KALRN: variants seen among roughly 807,000 people sequenced by gnomAD.
KALRN encodes kalirin RhoGEF kinase.
In KALRN, 70 loss-of-function variants were observed where a neutral mutation model predicts 353.7. The observed-to-expected ratio is 0.20, with a 90% CI of 0.16 to 0.24. The LOEUF (loss-of-function observed/expected upper bound fraction) is 0.24. Among genes scored for constraint, KALRN ranks in the 10% least tolerant of loss-of-function variants. The pLI is 1.00. For missense variants in KALRN, 2,791 were observed against 3,756.7 expected, an observed-to-expected ratio of 0.74 and a Z score of 6.72; for synonymous variants, 1,391 against 1,434.8, an observed-to-expected ratio of 0.97 and a Z score of 0.69.
chr3:124,152,456 T>C, intron 1 of KALRN: 2 of 1,297,050 alleles, frequency 1.5e-6, no homozygotes, highest in South Asian at 2.4e-5. Flanking sequence ...ACATAGAAGT[T>C]GCCAGCTTTT....
chr3:124,121,381 G>T (rs898532375), intron 1 of KALRN, among the ~76,000 whole-genome samples: 11 of 152,200 alleles, frequency 7.2e-5, no homozygotes, highest in Admixed American at 3.3e-4. Flanking sequence ...AGTAATCAGA[G>T]AAAAGCTACC....
chr3:124,577,895 C>A (rs2713641), intron 34 of KALRN, among the ~76,000 whole-genome samples: 25,343 of 71,380 alleles, frequency 0.36, 2,260 homozygotes, highest in African/African-American at 0.46. Flanking sequence ...ACAAACAAAA[C>A]CCCCCACCAT....
intron 33 of KALRN, among the ~76,000 whole-genome samples, chr3:124,535,542 C>T (rs2068435957): frequency 6.6e-6 from 1 of 152,190 alleles, no homozygotes; most frequent in Non-Finnish European, 1.5e-5. Flanking sequence ...TCATAATTAG[C>T]TCTCTGGTAT....
chr3:124,097,882 T>C (rs1009845983), intron 1 of KALRN, among the ~76,000 whole-genome samples: 4 of 152,242 alleles, frequency 2.6e-5, no homozygotes, highest in African/African-American at 9.6e-5. Context: ...TGTTTGTTAC[T>C]GGGCGTTTGC....
intron 1 of KALRN, among the ~76,000 whole-genome samples, chr3:124,188,718 C>G (rs899887286): frequency 4.6e-5 from 7 of 152,162 alleles, no homozygotes; most frequent in African/African-American, 1.4e-4. Context: ...ACCCTACCTG[C>G]TAGCTAACAA....
intron 53 of KALRN, among the ~76,000 whole-genome samples, chr3:124,694,986 T>C (rs2061985331): frequency 6.6e-6 from 1 of 152,232 alleles, no homozygotes; most frequent in African/African-American, 2.4e-5. Context: ...TTTAGACTTC[T>C]GATTTAAGTG....
At chr3:124,137,174 T>A (rs1038647721) in intron 1 of KALRN, among the ~76,000 whole-genome samples, 1 of 152,194 alleles carries the variant, frequency 6.6e-6, no homozygotes, top group Non-Finnish European at 1.5e-5. Flanking sequence ...TGCTGAACAA[T>A]GCATTTAAAA....
intron 1 of KALRN, among the ~76,000 whole-genome samples, chr3:124,067,403 C>T (rs779271023): frequency 2.7e-5 from 4 of 150,826 alleles, no homozygotes; most frequent in African/African-American, 4.9e-5. Context: ...GTACCCAAAC[C>T]AGAGGTCATG....
Position 124,698,729 on chromosome 3 carries a change from C to T in KALRN, c.7831+1005C>T, listed in dbSNP as rs1267725634. Among the ~76,000 whole-genome samples the T allele has an allele frequency of 3.3e-5, 5 of 152,238 alleles. No individual in the cohort carries two copies. The South Asian group carries it at 8.3e-4, about 25-fold the overall frequency. ...GTGTAGTACGGGTGGAGTTCTACAC[C>T]CCCTATCCCCAGATAAAATTAAGAG... On this transcript the variant is annotated intron_variant, in intron 55 of 59. Transcript: ENST00000682506.
chr3:124,085,931 A>G (rs2060794361), intron 1 of KALRN, among the ~76,000 whole-genome samples: 1 of 152,230 alleles, frequency 6.6e-6, no homozygotes, highest in Admixed American at 6.5e-5. Flanking sequence ...TATTTTCACA[A>G]AAAGTGGGAT....
At chr3:124,135,998 T>G (rs1427091966) in intron 1 of KALRN, among the ~76,000 whole-genome samples, 1 of 152,206 alleles carries the variant, frequency 6.6e-6, no homozygotes, top group African/African-American at 2.4e-5. Flanking sequence ...CCTCATCTCC[T>G]TACTGCAGGA....
chr3:124,190,167 A>T (rs982503828), intron 1 of KALRN, among the ~76,000 whole-genome samples: 3 of 152,148 alleles, frequency 2.0e-5, no homozygotes, highest in Non-Finnish European at 4.4e-5. Context: ...TAGGATGAAG[A>T]AGAGAAGGGA....
At chr3:124,589,902 G>T (rs1053241582) in intron 34 of KALRN, among the ~76,000 whole-genome samples, 12 of 152,190 alleles carry the variant, frequency 7.9e-5, no homozygotes, top group African/African-American at 2.9e-4. Flanking sequence ...TCAGAGTTTG[G>T]TGAATCTGAG....
At chr3:124,504,412 G>A (rs553800243) in intron 33 of KALRN, among the ~76,000 whole-genome samples, 1 of 152,246 alleles carries the variant, frequency 6.6e-6, no homozygotes, top group African/African-American at 2.4e-5. Context: ...TGCTTTTGTA[G>A]TAACCTTGAT....
At chr3:124,261,060 T>TTG (rs2072790490) in intron 3 of KALRN, among the ~76,000 whole-genome samples, 1 of 151,106 alleles carries the variant, frequency 6.6e-6, no homozygotes, top group Admixed American at 6.6e-5. Flanking sequence ...TTTTTTTTTT[T>TTG]GTATTTTTGA....
chr3:124,509,371 A>G (rs1041202783), intron 33 of KALRN, among the ~76,000 whole-genome samples: 1 of 152,064 alleles, frequency 6.6e-6, no homozygotes, highest in African/African-American at 2.4e-5. Context: ...ACCACGCCCA[A>G]CTAATTTTTG....
At chr3:124,254,976 G>T (rs1347426290) in intron 3 of KALRN, among the ~76,000 whole-genome samples, 7 of 151,320 alleles carry the variant, frequency 4.6e-5, no homozygotes, top group Admixed American at 2.6e-4. Flanking sequence ...ACAGAGTTTT[G>T]CTCTTGTTAC....
intron 34 of KALRN, among the ~76,000 whole-genome samples, chr3:124,587,761 A>T (rs1217717688): frequency 8.5e-6 from 1 of 117,426 alleles, no homozygotes; most frequent in Admixed American, 1.2e-4. Context: ...GCTGGAGTGT[A>T]GTGGTTTGAT....
chr3:124,076,053 G>A (rs925420479), intron 1 of KALRN, among the ~76,000 whole-genome samples: 2 of 152,220 alleles, frequency 1.3e-5, no homozygotes, highest in African/African-American at 2.4e-5. Flanking sequence ...TGCTTCCTGC[G>A]ATGAGGCCAG....
Sources: gnomAD v4.1 joint callset for allele counts (sites outside exome capture counted in the v4.1 genomes callset) on GRCh38, gnomAD v4.1.1 for gene constraint, MANE v1.5 for transcripts, NCBI Gene and HGNC (gene_info 2026-07-23, HGNC 2026-07-21) for gene names.